The following LARGE1 variants were observed in gnomAD, a reference collection of about 807,000 sequenced individuals.
The protein encoded by LARGE1 is LARGE xylosyl- and glucuronyltransferase 1.
A neutral mutation model predicts 87.6 loss-of-function variants in LARGE1; 43 were observed. That is an observed-to-expected ratio of 0.49 (90% CI 0.38 to 0.63). The LOEUF (loss-of-function observed/expected upper bound fraction) is 0.63. Among genes scored for constraint, LARGE1 ranks in the 30% least tolerant of loss-of-function variants. The pLI is 0.00. For synonymous variants in LARGE1, 434 were observed against 394.6 expected (o/e 1.10, Z -1.18); for missense variants, 802 against 1,000.2 (o/e 0.80, Z 2.67).
chr22:33,816,824 C>G (rs556923691), intron 1 of LARGE1, among the ~76,000 whole-genome samples: 1 of 152,208 alleles, frequency 6.6e-6, no homozygotes, highest in East Asian at 1.9e-4. Context: ...ATATCCTTTT[C>G]ACAACGCAGT....
intron 1 of LARGE1, among the ~76,000 whole-genome samples, chr22:33,770,880 C>T (rs1437768468): frequency 5.3e-5 from 8 of 152,100 alleles, no homozygotes; most frequent in African/African-American, 9.7e-5. Flanking sequence ...GTAATCTCCG[C>T]GTGACCATTC....
At chr22:33,881,720 T>C (rs1008398356) in intron 1 of LARGE1, among the ~76,000 whole-genome samples, 2 of 152,182 alleles carry the variant, frequency 1.3e-5, no homozygotes, top group Non-Finnish European at 2.9e-5. Flanking sequence ...ACCTACAGAG[T>C]ATATTTCACT....
At chr22:33,070,200 C>T in the LARGE1 span, among the ~76,000 whole-genome samples, 1 of 152,182 alleles carries the variant, frequency 6.6e-6, no homozygotes, top group Admixed American at 6.6e-5. Context: ...ATCTTAAATG[C>T]CCAGTATGTG....
chr22:33,880,315 C>T (rs1319301487), intron 1 of LARGE1, among the ~76,000 whole-genome samples: 5 of 152,124 alleles, frequency 3.3e-5, no homozygotes, highest in African/African-American at 4.8e-5. Flanking sequence ...CTCAACCATC[C>T]GCAGCTTCTA....
intron 9 of LARGE1, among the ~76,000 whole-genome samples, chr22:33,377,752 A>G (rs1338204137): frequency 6.6e-6 from 1 of 151,930 alleles, no homozygotes; most frequent in East Asian, 1.9e-4. Flanking sequence ...CAGTTTTTCT[A>G]TCTCTTTTCA....
chr22:33,202,837 C>A (rs1337074322), intron 11 of LARGE1, among the ~76,000 whole-genome samples: 2 of 151,972 alleles, frequency 1.3e-5, no homozygotes, highest in African/African-American at 4.8e-5. Context: ...TAAAGAAGAA[C>A]CAAAGGACAC....
intron 4 of LARGE1, 107 bp from the exon 5 acceptor site, chr22:33,604,665 C>G (rs558057160): frequency 7.1e-7 from 1 of 1,412,164 alleles, no homozygotes; most frequent in Non-Finnish European, 1.0e-6. Flanking sequence ...ACGTTTCTAA[C>G]GGCAATTGTG....
intron 1 of LARGE1, among the ~76,000 whole-genome samples, chr22:33,863,916 T>C (rs569550329): frequency 2.6e-4 from 39 of 152,340 alleles, no homozygotes; most frequent in African/African-American, 8.2e-4. Context: ...GCAGTTTCAC[T>C]TGAAGGCAAA....
At chr22:33,482,268 G>A (rs2069362462) in intron 6 of LARGE1, among the ~76,000 whole-genome samples, 1 of 152,142 alleles carries the variant, frequency 6.6e-6, no homozygotes. Context: ...GTCGGTGATG[G>A]CTATAATATT....
chr22:33,211,665 C>A (rs146697408), intron 11 of LARGE1, among the ~76,000 whole-genome samples: 6 of 152,008 alleles, frequency 3.9e-5, no homozygotes, highest in Non-Finnish European at 8.8e-5. Context: ...CCCAGCTACT[C>A]GGGAGGCTGA....
the LARGE1 span, among the ~76,000 whole-genome samples, chr22:33,133,790 C>T: frequency 6.6e-6 from 1 of 151,920 alleles, no homozygotes; most frequent in East Asian, 1.9e-4. Flanking sequence ...ATTTACACTC[C>T]CACCAACAGT....
At chr22:33,768,085 G>T (rs1309694312) in intron 1 of LARGE1, among the ~76,000 whole-genome samples, 1 of 152,184 alleles carries the variant, frequency 6.6e-6, no homozygotes, top group African/African-American at 2.4e-5. Flanking sequence ...CGAGGCAGGC[G>T]AATCATGAGG....
intron 14 of LARGE1, among the ~76,000 whole-genome samples, chr22:33,275,554 G>GAGCTGAACTGTCTGGGACATTTAA (rs1929081082): frequency 1.3e-5 from 2 of 152,116 alleles, no homozygotes. Context: ...AGATCTCCCA[G>GAGCTGAACTGTCTGGGACATTTAA]AGCTGAACTG....
chr22:33,328,908 T>C (rs187356746), intron 10 of LARGE1, among the ~76,000 whole-genome samples: 1 of 152,278 alleles, frequency 6.6e-6, no homozygotes, highest in African/African-American at 2.4e-5. Context: ...TTCCTTTCCT[T>C]ATCTGTGAAA....
rs55695637 is a variant in LARGE1, at chr22:33,315,336, A to G, written c.1451+749T>C. ...CCTGGACAAGGTTGAGAAGCAGTGC[A>G]TTGGCTTGTAAGCTACATCAGGGCG... is the stretch of plus-strand genomic sequence containing the variant. On this transcript the variant is annotated intron_variant, in intron 11 of 14. Transcript: ENST00000397394. 7.0e-3 allele frequency among the ~76,000 whole-genome samples: 1,068 copies of G among 152,292 alleles called. 11 individuals are homozygous for G. Among genetic ancestry groups the G allele is most frequent in the African/African-American group, 0.025 (1,021 of 41,556 alleles).
intron 2 of LARGE1, among the ~76,000 whole-genome samples, chr22:33,728,745 G>T (rs2083359730): frequency 6.6e-6 from 1 of 152,068 alleles, no homozygotes; most frequent in East Asian, 1.9e-4. Context: ...CTAGCTACTA[G>T]AGGGCAGGAC....
chr22:33,517,615 T>C (rs141364433), intron 6 of LARGE1, among the ~76,000 whole-genome samples: 6,159 of 48,878 alleles, frequency 0.13, 215 homozygotes, highest in African/African-American at 0.26. Context: ...TGGGCCAGGA[T>C]GGTCTCGAAC....
At chr22:33,292,199 C>T (rs987073977) in intron 12 of LARGE1, among the ~76,000 whole-genome samples, 1 of 152,152 alleles carries the variant, frequency 6.6e-6, no homozygotes, top group Admixed American at 6.5e-5. Context: ...TTCTGACTTC[C>T]AAGCCTCTAG....
intron 6 of LARGE1, among the ~76,000 whole-genome samples, chr22:33,513,463 T>C (rs1006891163): frequency 6.6e-6 from 1 of 152,142 alleles, no homozygotes; most frequent in Non-Finnish European, 1.5e-5. Flanking sequence ...GACTGTTATA[T>C]GGCCAGGGTC....
Sources: gnomAD v4.1 joint callset for allele counts (sites outside exome capture counted in the v4.1 genomes callset) on GRCh38, gnomAD v4.1.1 for gene constraint, MANE v1.5 for transcripts, NCBI Gene and HGNC (gene_info 2026-07-23, HGNC 2026-07-21) for gene names.